The following WWOX variants were observed in gnomAD, a reference collection of about 807,000 sequenced individuals.
WWOX encodes the protein WW domain containing oxidoreductase.
Under a neutral mutation model 46.2 loss-of-function variants are expected in WWOX, and 69 were observed. The observed-to-expected ratio is 1.49, with a 90% confidence interval of 1.23 to 1.82. The LOEUF is 1.82. Among genes scored for constraint, WWOX ranks in the 40% most tolerant of loss-of-function variants. WWOX has a pLI of 0.00. For missense variants in WWOX, 919 were observed against 542.6 expected (o/e 1.69, Z -6.89); for synonymous variants, 359 against 202.6 (o/e 1.77, Z -6.56).
chr16:78,466,318 A>G (rs894792427), intron 8 of WWOX, among the ~76,000 whole-genome samples: 9 of 151,864 alleles, frequency 5.9e-5, no homozygotes, highest in African/African-American at 1.9e-4. Flanking sequence ...GGCGTGAGCC[A>G]TTGCACCCGG....
chr16:79,063,580 G>A (rs759552613), intron 8 of WWOX, among the ~76,000 whole-genome samples: 6 of 152,196 alleles, frequency 3.9e-5, no homozygotes, highest in Admixed American at 1.3e-4. Flanking sequence ...TCCAGGAGCG[G>A]ATTTGGAAAC....
intron 4 of WWOX, among the ~76,000 whole-genome samples, chr16:78,149,612 G>A (rs907663357): frequency 1.3e-5 from 2 of 152,228 alleles, no homozygotes; most frequent in Admixed American, 6.5e-5. Context: ...GATGAAACAG[G>A]TGGTATTTGG....
intron 8 of WWOX, among the ~76,000 whole-genome samples, chr16:78,862,690 A>G (rs1387213199): frequency 1.3e-5 from 2 of 152,126 alleles, no homozygotes; most frequent in East Asian, 3.9e-4. Context: ...CAAGGGCAGG[A>G]GAAGCTGATG....
At chr16:79,131,152 A>G (rs545437797) in intron 8 of WWOX, among the ~76,000 whole-genome samples, 6 of 152,122 alleles carry the variant, frequency 3.9e-5, no homozygotes, top group Non-Finnish European at 5.9e-5. Flanking sequence ...CTTCCTTCCC[A>G]AGCAGGGATG....
At chr16:78,284,354 C>A (rs1234494991) in intron 5 of WWOX, among the ~76,000 whole-genome samples, 1 of 152,200 alleles carries the variant, frequency 6.6e-6, no homozygotes, top group Non-Finnish European at 1.5e-5. Flanking sequence ...ACCCCTTCAA[C>A]ACCTTAAGTG....
At position 78,475,129 on chromosome 16, in the gene WWOX, A is replaced by G. The variant is rs145325062; in HGVS notation, c.1056+42377A>G. Reference sequence around the variant, plus strand: ...TACTTGGTTCTTAAACTCTCCCTCAATATAGCTGTAGGGACATGCAAAACA... The same window carrying G: ...TACTTGGTTCTTAAACTCTCCCTCAGTATAGCTGTAGGGACATGCAAAACA... On this transcript the variant is annotated intron_variant, in intron 8 of 8. Transcript: ENST00000566780. 1.9e-3 allele frequency among the ~76,000 whole-genome samples: 294 copies of G among 152,290 alleles called. 1 individual carries two copies. Among genetic ancestry groups the G allele is most frequent in the African/African-American group, 6.8e-3 (281 of 41,560 alleles).
intron 8 of WWOX, among the ~76,000 whole-genome samples, chr16:79,165,566 C>A (rs1204958785): frequency 6.6e-6 from 1 of 152,142 alleles, no homozygotes; most frequent in East Asian, 1.9e-4. Flanking sequence ...AGCTGGGGTG[C>A]AGTTGTATTC....
At chr16:78,334,159 A>G (rs1449345366) in intron 5 of WWOX, among the ~76,000 whole-genome samples, 1 of 152,240 alleles carries the variant, frequency 6.6e-6, no homozygotes, top group East Asian at 1.9e-4. Context: ...CTGGAAATGT[A>G]AATGCATTCG....
intron 8 of WWOX, among the ~76,000 whole-genome samples, chr16:78,993,570 C>T (rs75097474): frequency 0.033 from 4,996 of 152,214 alleles, 114 homozygotes; most frequent in Middle Eastern, 0.095. Flanking sequence ...CCTGGGTGTA[C>T]GGAGCCCGGA....
chr16:78,316,715 T>G (rs1361150445), intron 5 of WWOX, among the ~76,000 whole-genome samples: 3 of 152,164 alleles, frequency 2.0e-5, no homozygotes. Flanking sequence ...TTTATCCAAC[T>G]TTGCAATCTA....
intron 5 of WWOX, among the ~76,000 whole-genome samples, chr16:78,175,781 C>G (rs2035324559): frequency 6.6e-6 from 1 of 152,216 alleles, no homozygotes; most frequent in Admixed American, 6.5e-5. Context: ...TTTTAAGCCA[C>G]TATGCTCTGG....
chr16:78,883,286 C>T (rs774163727), intron 8 of WWOX, among the ~76,000 whole-genome samples: 31 of 143,788 alleles, frequency 2.2e-4, no homozygotes, highest in Non-Finnish European at 3.0e-4. Context: ...TCATCAGTAA[C>T]GCAGTAACGT....
At chr16:78,633,514 C>G (rs577338067) in intron 8 of WWOX, among the ~76,000 whole-genome samples, 1 of 152,312 alleles carries the variant, frequency 6.6e-6, no homozygotes, top group East Asian at 1.9e-4. Flanking sequence ...CCCGTGTTCT[C>G]TAGCTAACGC....
chr16:78,192,749 A>G (rs2035923091), intron 5 of WWOX, among the ~76,000 whole-genome samples: 1 of 152,060 alleles, frequency 6.6e-6, no homozygotes, highest in South Asian at 2.1e-4. Context: ...TTTTTAAAAA[A>G]GTTTTTATTT....
chr16:78,894,073 T>G (rs1251963438), intron 8 of WWOX, among the ~76,000 whole-genome samples: 1 of 128,598 alleles, frequency 7.8e-6, no homozygotes, highest in East Asian at 2.3e-4. Flanking sequence ...GGGTCTTGCT[T>G]TCTTGCCCAG....
At chr16:79,109,431 T>C (rs2049374180) in intron 8 of WWOX, among the ~76,000 whole-genome samples, 1 of 152,170 alleles carries the variant, frequency 6.6e-6, no homozygotes, top group South Asian at 2.1e-4. Flanking sequence ...ATGGCTCTTT[T>C]TTACTTTAGG....
chr16:78,997,718 T>A (rs1032543676), intron 8 of WWOX, among the ~76,000 whole-genome samples: 4 of 152,066 alleles, frequency 2.6e-5, no homozygotes, highest in African/African-American at 9.7e-5. Flanking sequence ...CTTTGTATTA[T>A]TCCCCTAGAA....
chr16:78,900,384 T>G (rs966785885), intron 8 of WWOX, among the ~76,000 whole-genome samples: 1 of 152,200 alleles, frequency 6.6e-6, no homozygotes, highest in African/African-American at 2.4e-5. Flanking sequence ...AAACTGTGCA[T>G]GTAATTTGCT....
At chr16:78,363,636 G>A (rs2081463686) in intron 5 of WWOX, among the ~76,000 whole-genome samples, 1 of 152,132 alleles carries the variant, frequency 6.6e-6, no homozygotes, top group Non-Finnish European at 1.5e-5. Flanking sequence ...CAGAAGGTAA[G>A]ATATTCCCCT....
Sources: allele counts gnomAD v4.1 joint callset (sites outside exome capture counted in the v4.1 genomes callset), GRCh38; gene constraint gnomAD v4.1.1; transcripts MANE v1.5; gene names NCBI Gene and HGNC (gene_info 2026-07-23, HGNC 2026-07-21).